The following AIM2 variants were observed in gnomAD, a reference collection of about 807,000 sequenced individuals.
AIM2 encodes interferon-inducible protein AIM2.
In AIM2, 30 loss-of-function variants were observed where a neutral mutation model predicts 27.7. That is an observed-to-expected ratio of 1.08 (90% CI 0.81 to 1.47). AIM2 has a LOEUF of 1.47. AIM2 is among the 40% of genes most tolerant of loss of function. AIM2 has a pLI of 0.00. For missense variants in AIM2, 358 were observed against 411.3 expected (o/e 0.87, Z 1.12); for synonymous variants, 141 against 145.3 (o/e 0.97, Z 0.21).
chr1:159,075,718 G>T (rs1324266122), intron 1 of AIM2, among the ~76,000 whole-genome samples: 1 of 152,086 alleles, frequency 6.6e-6, no homozygotes, highest in Non-Finnish European at 1.5e-5. Flanking sequence ...GTGTGCAAAA[G>T]ATGTGAATGA....
chr1:159,119,156 A>G (rs1647462603), intron 1 of AIM2, among the ~76,000 whole-genome samples: 1 of 152,146 alleles, frequency 6.6e-6, no homozygotes, highest in Non-Finnish European at 1.5e-5. Context: ...TATGACATGA[A>G]TCGGAACGCT....
At chr1:159,058,468 T>C (rs1195504305), downstream of AIM2, among the ~76,000 whole-genome samples, 5 of 151,654 alleles carry the variant, frequency 3.3e-5, no homozygotes, top group African/African-American at 1.2e-4. Context: ...TTGGGATGTG[T>C]ATCCCAGCCC....
chr1:159,057,266 GAA>G, the AIM2 span, among the ~76,000 whole-genome samples: 1 of 134,986 alleles, frequency 7.4e-6, no homozygotes, highest in Non-Finnish European at 1.7e-5. Flanking sequence ...CCTAATTTAT[GAA>G]TTGAGTTTGG....
intron 1 of AIM2, among the ~76,000 whole-genome samples, chr1:159,096,950 T>C (rs144343067): frequency 6.6e-6 from 1 of 152,184 alleles, no homozygotes; most frequent in East Asian, 1.9e-4. Context: ...ATCTAGGTGA[T>C]TTCCTACTCA....
At chr1:159,115,136 G>T in intron 1 of AIM2, among the ~76,000 whole-genome samples, 1 of 151,994 alleles carries the variant, frequency 6.6e-6, no homozygotes, top group African/African-American at 2.4e-5. Context: ...GGGATGTGAA[G>T]GACCTCTTCA....
At chr1:159,123,530 G>A (rs1647599880) in intron 1 of AIM2, 1 of 152,176 alleles carries the variant, frequency 6.6e-6, no homozygotes, top group Non-Finnish European at 1.5e-5. Flanking sequence ...CTCAGTCTGT[G>A]TTCAGATGTT....
intron 4 of AIM2, 109 bp downstream of exon 4, chr1:159,065,801 A>T: frequency 3.4e-6 from 4 of 1,175,252 alleles, no homozygotes; most frequent in African/African-American, 3.1e-5. Context: ...GTATTTTTTT[A>T]TTTTGTCTAT....
At chr1:159,064,712 G>A (rs1190179774) in intron 4 of AIM2, among the ~76,000 whole-genome samples, 2 of 152,164 alleles carry the variant, frequency 1.3e-5, no homozygotes, top group Non-Finnish European at 2.9e-5. Flanking sequence ...TGATCCATGC[G>A]CCTTGGCCTC....
downstream of AIM2, among the ~76,000 whole-genome samples, chr1:159,058,175 G>T (rs367968846): frequency 6.6e-6 from 1 of 152,100 alleles, no homozygotes; most frequent in South Asian, 2.1e-4. Context: ...CCAACATGGT[G>T]AAACTCCATC....
intron 1 of AIM2, among the ~76,000 whole-genome samples, chr1:159,128,195 A>C (rs1458015543): frequency 1.3e-5 from 2 of 152,060 alleles, no homozygotes; most frequent in Non-Finnish European, 1.5e-5. Context: ...ATAATAAAAA[A>C]TGTATCATAA....
intron 1 of AIM2, among the ~76,000 whole-genome samples, chr1:159,096,466 A>C (rs1339262867): frequency 6.6e-6 from 1 of 152,190 alleles, no homozygotes; most frequent in Non-Finnish European, 1.5e-5. Context: ...GGGAATAATA[A>C]TATAGTATTT....
At position 159,066,011 on chromosome 1, in the gene AIM2, G is replaced by A. The variant is rs1371714096; in HGVS notation, c.715C>T (p.Pro239Ser). 1 of 1,613,958 alleles carries A rather than the reference G, an allele frequency of 6.2e-7. No homozygotes were observed. The highest frequency in any genetic ancestry group is 1.3e-5 in the African/African-American group (1 of 74,904). Reference protein sequence around the residue: ...DAESDQKVNVPLNIIRKAGET... With the variant: ...DAESDQKVNVSLNIIRKAGET... ...CCAGCTTTTCTGATAATGTTCAGCG[G>A]GACATTAACCTTTTGGTCAGATTCA... The change falls in exon 4 of 6, where the codon CCG becomes TCG. Residue 239 changes from proline to serine, a missense_variant. Coordinates refer to ENST00000368130, the MANE Select transcript of AIM2 (RefSeq NM_004833.3).
At chr1:159,113,986 T>A (rs1041217979) in intron 1 of AIM2, among the ~76,000 whole-genome samples, 4 of 152,210 alleles carry the variant, frequency 2.6e-5, no homozygotes, top group African/African-American at 9.6e-5. Flanking sequence ...CCCATTAAAA[T>A]CCTTAGCTTT....
intron 1 of AIM2, among the ~76,000 whole-genome samples, chr1:159,092,164 C>T (rs1657060540): frequency 6.6e-6 from 1 of 152,172 alleles, no homozygotes; most frequent in South Asian, 2.1e-4. Context: ...AAATAAATGA[C>T]TATTCACAAT....
At chr1:159,109,244 A>G (rs1252266168) in intron 1 of AIM2, among the ~76,000 whole-genome samples, 2 of 152,182 alleles carry the variant, frequency 1.3e-5, no homozygotes, top group African/African-American at 4.8e-5. Flanking sequence ...GAGAACCCAG[A>G]AATAAACCCA....
At chr1:159,111,736 G>A (rs1206173706) in intron 1 of AIM2, among the ~76,000 whole-genome samples, 8 of 150,766 alleles carry the variant, frequency 5.3e-5, no homozygotes, top group Admixed American at 4.0e-4. Flanking sequence ...GCCGAAGCGG[G>A]TGGATTGCTT....
intron 2 of AIM2, 29 bp downstream of exon 2, chr1:159,073,209 A>G: frequency 6.2e-7 from 1 of 1,611,784 alleles, no homozygotes; most frequent in Non-Finnish European, 8.5e-7. Context: ...AGAAAAAGGG[A>G]CGGGGCAGGT....
chr1:159,130,616 T>A (rs1262475276), intron 1 of AIM2, among the ~76,000 whole-genome samples: 1 of 152,120 alleles, frequency 6.6e-6, no homozygotes, highest in Non-Finnish European at 1.5e-5. Context: ...TCATTTGATA[T>A]ATTAAATGAC....
At chr1:159,065,847 T>C in intron 4 of AIM2, 63 bp downstream of exon 4, 1 of 1,488,830 alleles carries the variant, frequency 6.7e-7, no homozygotes, top group Non-Finnish European at 9.0e-7. Flanking sequence ...AAAGTTTCTT[T>C]AAGATCAGAT....
Sources: allele counts gnomAD v4.1 joint callset (sites outside exome capture counted in the v4.1 genomes callset), GRCh38; gene constraint gnomAD v4.1.1; transcripts MANE v1.5; gene names NCBI Gene and HGNC (gene_info 2026-07-23, HGNC 2026-07-21).